EPS8L2: variants seen among roughly 807,000 people sequenced by gnomAD.
EPS8L2 encodes the protein EPS8 signaling adaptor L2.
Under a neutral mutation model 99.4 loss-of-function variants are expected in EPS8L2, and 81 were observed. The observed-to-expected ratio is 0.82, with a 90% confidence interval of 0.68 to 0.98. EPS8L2 has a LOEUF of 0.98. Among genes scored for constraint, EPS8L2 ranks in the 50% least tolerant of loss-of-function variants. EPS8L2 has a pLI of 0.00. For synonymous variants in EPS8L2, 509 were observed against 407.3 expected (o/e 1.25, Z -3.01); for missense variants, 1,155 against 968.8 (o/e 1.19, Z -2.55).
At position 720,814 on chromosome 11, in the gene EPS8L2, A is replaced by G; in HGVS notation, c.478-16A>G. ...CGCGCCCCGCCCTCCTGGCCGCCTG[A>G]CGCCCGCTTTCCCAGGCAGAGCTGG... On this transcript the variant is annotated splice_polypyrimidine_tract_variant and intron_variant, in intron 6 of 20. Coordinates refer to ENST00000318562, the MANE Select transcript of EPS8L2 (RefSeq NM_022772.4). 1 of 1,543,346 alleles carries G rather than the reference A, an allele frequency of 6.5e-7. No individual in the cohort carries two copies.
intron 14 of EPS8L2, 38 bp from the exon 15 acceptor site, chr11:723,203 G>C (rs376279015): frequency 2.8e-6 from 3 of 1,085,546 alleles, no homozygotes; most frequent in Non-Finnish European, 4.1e-6. Flanking sequence ...ACCCAGCCCC[G>C]CCCCATGTCT....
At chr11:709,773 T>G (rs1861834934) in intron 3 of EPS8L2, 165 bp downstream of exon 3, 4 of 702,660 alleles carry the variant, frequency 5.7e-6, no homozygotes, top group Non-Finnish European at 9.7e-6. Context: ...CGAAAGCTCC[T>G]GGCCACTGGA....
chr11:711,126 A>C (rs546004703), intron 4 of EPS8L2, among the ~76,000 whole-genome samples: 1 of 152,320 alleles, frequency 6.6e-6, no homozygotes, highest in East Asian at 1.9e-4. Flanking sequence ...CTCAGGGCTC[A>C]GACGGGGCTG....
intron 4 of EPS8L2, among the ~76,000 whole-genome samples, chr11:713,572 T>C (rs529685104): frequency 2.0e-5 from 3 of 151,812 alleles, no homozygotes; most frequent in African/African-American, 4.8e-5. Context: ...TGAGACAGAG[T>C]CTCACCCTGT....
intron 4 of EPS8L2, among the ~76,000 whole-genome samples, chr11:711,857 C>T (rs529116084): frequency 2.7e-4 from 41 of 151,672 alleles, no homozygotes; most frequent in Non-Finnish European, 5.0e-4. Context: ...GTGGTGCATA[C>T]CTATAATCCC....
At chr11:714,972 G>T (rs1055438020) in intron 4 of EPS8L2, among the ~76,000 whole-genome samples, 2 of 152,146 alleles carry the variant, frequency 1.3e-5, no homozygotes, top group African/African-American at 4.8e-5. Context: ...GCCGGGCGCG[G>T]TGGCTCATGC....
At position 710,627 on chromosome 11, in the gene EPS8L2, G is replaced by A. The variant is rs560613629; in HGVS notation, c.165+141G>A. 140 of 838,354 alleles carry A rather than the reference G, an allele frequency of 1.7e-4. 1 individual carries two copies. Among genetic ancestry groups the A allele is most frequent in the South Asian group, 1.4e-3 (95 of 66,616 alleles). 51.9% of individuals were successfully genotyped at this position (838,354 alleles called of 1,614,324 possible). ...GCCTGTAGGCCCTGCTACTGGGGAG[G>A]CTGAGGCGAGGGGGTCACTTGAGCC... is the stretch of plus-strand genomic sequence containing the variant. On this transcript the variant is annotated intron_variant, in intron 4 of 20. Transcript: ENST00000318562.
In EPS8L2 at chr11:724,772, T is replaced by C. The variant is rs537294438; in HGVS notation, c.1503T>C (p.Tyr501=). The C allele has an allele frequency of 6.2e-7, 1 of 1,613,628 alleles. No homozygotes were observed. Among genetic ancestry groups the C allele is most frequent in the East Asian group, 2.2e-5 (1 of 44,876 alleles). Residue 501 remains tyrosine, a synonymous_variant, in exon 16 of 21, where the codon TAT becomes TAC. Coordinates refer to ENST00000318562, the MANE Select transcript of EPS8L2 (RefSeq NM_022772.4). This position sits in a 1 kb window ranked among gnomAD's most constrained non-coding sequence, Gnocchi z 5.5. ...PAMAKYVKIL[Y]DFTARNANEL... is the part of the protein sequence containing the mutation. Reference sequence around the variant, plus strand: ...TGGCCAAGTACGTCAAGATCCTGTATGACTTCACAGCCCGAAATGCCAACG... The same window carrying C: ...TGGCCAAGTACGTCAAGATCCTGTACGACTTCACAGCCCGAAATGCCAACG...
At position 710,477 on chromosome 11, in the gene EPS8L2, C is replaced by A. The variant is rs777583989; in HGVS notation, c.156C>A (p.Tyr52Ter). ...SNVIMHETSQ[Y>*]HVQHLATFIM... is the part of the protein sequence containing the mutation. ...TCATCATGCACGAGACCTCGCAGTA[C>A]CACGTCCAGGTAAGGCCCCGCCCCC... Residue 52 changes from tyrosine (Y) to a stop codon, truncating the protein, a stop_gained, in exon 4 of 21, where the codon TAC (tyrosine) becomes TAA (stop). Coordinates refer to ENST00000318562, the MANE Select transcript of EPS8L2 (RefSeq NM_022772.4). LOFTEE classifies it high-confidence loss of function. 6.2e-7 allele frequency: 1 copy of A among 1,613,686 alleles called. No homozygotes were observed. The highest frequency in any genetic ancestry group is 1.1e-5 in the South Asian group (1 of 91,088).
At chr11:709,196 G>GGAC in intron 1 of EPS8L2, 134 bp from the exon 2 acceptor site, 1 of 624,246 alleles carries the variant, frequency 1.6e-6, no homozygotes, top group East Asian at 2.7e-5. Context: ...GGGCCAACTG[G>GGAC]GATGTCGGGC....
intron 4 of EPS8L2, among the ~76,000 whole-genome samples, chr11:713,868 G>T (rs1235446416): frequency 6.6e-6 from 1 of 152,088 alleles, no homozygotes; most frequent in Non-Finnish European, 1.5e-5. Context: ...TTTTAGTACA[G>T]ATGGGGTTTC....
intron 4 of EPS8L2, among the ~76,000 whole-genome samples, chr11:719,400 C>T (rs11600185): frequency 0.1 from 15,622 of 152,302 alleles, 1,021 homozygotes; most frequent in Admixed American, 0.17. Context: ...TTAGTGAACA[C>T]GGCAGCTTGG....
In EPS8L2 at chr11:725,809, G is replaced by T; in HGVS notation, c.1642G>T (p.Glu548Ter). The change falls in exon 17 of 21, where the codon GAG becomes TAG. Residue 548 changes from glutamate to a stop codon, truncating the protein, a stop_gained. Coordinates refer to ENST00000318562, the MANE Select transcript of EPS8L2 (RefSeq NM_022772.4). LOFTEE classifies it high-confidence loss of function. Reference protein sequence around the residue: ...AGYVPCNILGEARPEDAGAPF... With the variant: ...AGYVPCNILG ...GTACGTGCCCTGCAACATCCTAGGC[G>T]AGGCGCGACCGGAGGACGCCGGCGC... 1 of 1,387,736 alleles carries T rather than the reference G, an allele frequency of 7.2e-7. No individual in the cohort carries two copies. The allele number at this position is 1,387,736 out of a possible 1,614,324, so 86.0% of individuals were successfully genotyped here. A position where few individuals can be genotyped will look rare whatever the true frequency, so the allele number is the denominator to read the frequency against.
At chr11:722,229 C>G in intron 12 of EPS8L2, 64 bp downstream of exon 12, 1 of 1,576,984 alleles carries the variant, frequency 6.3e-7, no homozygotes, top group Non-Finnish European at 8.7e-7. Flanking sequence ...CAGCATCTCC[C>G]CGGGGTCGGG....
chr11:707,881 G>C (rs559620521), intron 1 of EPS8L2, among the ~76,000 whole-genome samples: 1 of 152,232 alleles, frequency 6.6e-6, no homozygotes, highest in East Asian at 1.9e-4. Flanking sequence ...GGCGCCCTTG[G>C]TGGAGCCCGC....
intron 13 of EPS8L2, 57 bp downstream of exon 13, chr11:722,606 C>A: frequency 6.2e-7 from 1 of 1,609,910 alleles, no homozygotes; most frequent in South Asian, 1.1e-5. Flanking sequence ...TGCATGGGGG[C>A]CAGCAAGGGG....
chr11:721,476 C>T (rs1862172154), intron 9 of EPS8L2, 89 bp from the exon 10 acceptor site: 5 of 1,500,914 alleles, frequency 3.3e-6, no homozygotes, highest in Non-Finnish European at 4.4e-6. Context: ...TGGGGCCCAG[C>T]TCCTCCCATC....
rs10902206 is a variant in EPS8L2 at position 726,581 on chromosome 11, T to C, written c.1935-38T>C. ...CGGGGCGGGCGCCAGGCAGCCTCGC[T>C]CACAGCGCGGCCCTGACGCCCAACT... On this transcript the variant is annotated intron_variant, in intron 19 of 20. Transcript: ENST00000318562. 382,755 of 1,524,738 alleles carry C rather than the reference T, an allele frequency of 0.25. 51,577 individuals are homozygous for C. Among genetic ancestry groups the C allele is most frequent in the African/African-American group, 0.5 (35,725 of 71,946 alleles). 94.5% of individuals were successfully genotyped at this position (1,524,738 alleles called of 1,614,324 possible).
Position 721,053 on chromosome 11 carries a change from T to C in EPS8L2, c.558-11T>C. 7.4e-7 allele frequency: 1 copy of C among 1,353,656 alleles called. No individual in the cohort carries two copies. Among genetic ancestry groups the C allele is most frequent in the Non-Finnish European group, 9.6e-7 (1 of 1,037,642 alleles). 83.9% of individuals were successfully genotyped at this position (1,353,656 alleles called of 1,614,324 possible). A position where few individuals can be genotyped will look rare whatever the true frequency, so the allele number is the denominator to read the frequency against. On this transcript the variant is annotated splice_polypyrimidine_tract_variant and intron_variant, in intron 7 of 20. Transcript: ENST00000318562. ...CCCGGCGGGGCTGAGCAGGACCCCC[T>C]CGCCCTCCAGGGGACACCAGGAGAA... is the stretch of plus-strand genomic sequence containing the variant.
Sources: allele counts gnomAD v4.1 joint callset (sites outside exome capture counted in the v4.1 genomes callset), GRCh38; gene constraint gnomAD v4.1.1; non-coding constraint Gnocchi (gnomAD v3.1); transcripts MANE v1.5; gene names NCBI Gene and HGNC (gene_info 2026-07-23, HGNC 2026-07-21).